PIEZO1: variants seen among roughly 807,000 people sequenced by gnomAD.
The protein encoded by PIEZO1 is piezo-type mechanosensitive ion channel component 1.
Under a neutral mutation model 297.2 loss-of-function variants are expected in PIEZO1, and 296 were observed. The observed-to-expected ratio is 1.00, with a 90% CI of 0.91 to 1.10. The LOEUF is 1.10. Among genes scored for constraint, PIEZO1 ranks in the 50% least tolerant of loss-of-function variants. The pLI is 0.00. For missense variants in PIEZO1, 5,018 were observed against 3,455.5 expected, an observed-to-expected ratio of 1.45 and a Z score of -11.34; for synonymous variants, 2,427 against 1,507.5, an observed-to-expected ratio of 1.61 and a Z score of -14.13.
intron 1 of PIEZO1, among the ~76,000 whole-genome samples, chr16:88,777,995 G>C (rs1008616761): frequency 9.9e-5 from 15 of 152,256 alleles, no homozygotes; most frequent in African/African-American, 2.7e-4. Context: ...TCTCGCCACA[G>C]CCACAAGCCT....
intron 1 of PIEZO1, among the ~76,000 whole-genome samples, chr16:88,750,381 C>T (rs745715547): frequency 5.4e-4 from 82 of 152,256 alleles, no homozygotes; most frequent in Non-Finnish European, 2.4e-4. Context: ...GCCCCCAGCA[C>T]GTGTCTGGGA....
At chr16:88,732,848 A>T (rs1434158184) in intron 19 of PIEZO1, 116 bp from the exon 20 acceptor site, 2 of 1,089,962 alleles carry the variant, frequency 1.8e-6, no homozygotes, top group Middle Eastern at 3.1e-4. Flanking sequence ...AGCCAGGGAC[A>T]CGGGGGCTGC....
intron 22 of PIEZO1, among the ~76,000 whole-genome samples, chr16:88,729,565 C>T (rs1258221569): frequency 5.4e-5 from 7 of 129,504 alleles, no homozygotes; most frequent in Admixed American, 1.5e-4. Context: ...GAGGGAACCT[C>T]GTGACCCAAA....
chr16:88,715,453 A>C lies in PIEZO1; in HGVS notation c.*152T>G. The stretch of plus-strand genomic sequence containing the variant: ...TGGGGACGCAGTGTCCTTCTCTGAC[A>C]GCAGCATCAGGGCTCAGGCAGGCCG... On this transcript the variant is annotated 3_prime_UTR_variant, in exon 51 of 51. Coordinates refer to ENST00000301015, the MANE Select transcript of PIEZO1 (RefSeq NM_001142864.4). 2 of 959,430 alleles carry C rather than the reference A, an allele frequency of 2.1e-6. No individual in the cohort carries two copies. Among genetic ancestry groups the C allele is most frequent in the Non-Finnish European group, 1.5e-6 (1 of 652,004 alleles). The allele number at this position is 959,430 out of a possible 1,614,324, so 59.4% of individuals were successfully genotyped here. A position where few individuals can be genotyped will look rare whatever the true frequency, so the allele number is the denominator to read the frequency against.
At chr16:88,769,567 A>C (rs1907328605) in intron 1 of PIEZO1, among the ~76,000 whole-genome samples, 1 of 152,184 alleles carries the variant, frequency 6.6e-6, no homozygotes, top group African/African-American at 2.4e-5. Flanking sequence ...ACCACTGCAC[A>C]TGACCGGAGC....
At chr16:88,776,621 G>T (rs936927317) in intron 1 of PIEZO1, among the ~76,000 whole-genome samples, 1 of 152,214 alleles carries the variant, frequency 6.6e-6, no homozygotes. Flanking sequence ...GCGAAGCCAC[G>T]GGAGGTTAGC....
chr16:88,726,193 C>T lies in PIEZO1; in HGVS notation c.3968+91G>A, dbSNP rs761471117. 65 of 1,131,612 alleles carry T rather than the reference C, an allele frequency of 5.7e-5. 1 individual carries two copies. The highest frequency in any genetic ancestry group is 3.2e-4 in the Admixed American group (12 of 36,952). The allele number at this position is 1,131,612 out of a possible 1,614,324, so 70.1% of individuals were successfully genotyped here. On this transcript the variant is annotated intron_variant, in intron 27 of 50. Coordinates refer to ENST00000301015, the MANE Select transcript of PIEZO1 (RefSeq NM_001142864.4). ...ACAGAGTGGCAGAGCCTGCCCTCCA[C>T]GGGCCGGGGCCTGAGACAGTGAGGA... is the stretch of plus-strand genomic sequence containing the variant.
At chr16:88,748,813 AT>A (rs1261686466) in intron 2 of PIEZO1, among the ~76,000 whole-genome samples, 2 of 151,008 alleles carry the variant, frequency 1.3e-5, no homozygotes, top group Non-Finnish European at 2.9e-5. Flanking sequence ...CACACCTGTA[AT>A]TGCAGCTACT....
intron 1 of PIEZO1, among the ~76,000 whole-genome samples, chr16:88,749,856 T>C (rs560346071): frequency 5.8e-4 from 88 of 152,014 alleles, no homozygotes; most frequent in Non-Finnish European, 9.9e-4. Flanking sequence ...GGTGAAACCC[T>C]GTCTCCACCG....
At chr16:88,784,840 G>A (rs1908104750) in intron 1 of PIEZO1, 61 bp downstream of exon 1, 5 of 1,232,070 alleles carry the variant, frequency 4.1e-6, no homozygotes, top group Non-Finnish European at 5.5e-6. Context: ...CGGTGTCCAG[G>A]CCGTGGGGAG....
At position 88,720,655 on chromosome 16, in the gene PIEZO1, C is replaced by T. The variant is rs912716084; in HGVS notation, c.5762G>A (p.Arg1921Lys). The change falls in exon 40 of 51, where the codon AGG becomes AAG. Residue 1921 changes from arginine (R) to lysine (K), a missense_variant. Coordinates refer to ENST00000301015, the MANE Select transcript of PIEZO1 (RefSeq NM_001142864.4). ...KRPSRSGGRV[R>K]AAGRRLQGFC... is the part of the protein sequence containing the mutation. ...GCCCTGCAGCCGCCGCCCGGCCGCC[C>T]TTACTCTTCCTCCAGAGCGGCTTGG... 9.7e-6 allele frequency: 15 copies of T among 1,548,382 alleles called. No homozygotes were observed. Among genetic ancestry groups the T allele is most frequent in the African/African-American group, 2.7e-5 (2 of 72,980 alleles).
Position 88,722,950 on chromosome 16 carries a change from G to A in PIEZO1, c.4555C>T (p.Gln1519Ter), listed in dbSNP as rs1163813078. The A allele has an allele frequency of 1.3e-6, 2 of 1,548,888 alleles. No homozygotes were observed. Among genetic ancestry groups the A allele is most frequent in the East Asian group, 2.4e-5 (1 of 40,910 alleles). ...CGTGTCAGCTCATCCACTAGCGCCT[G>A]CCCCAGCATCCACAGGAACTGCGCC... ...STAQFLWMLGQALVDELTRWL... is the reference protein window; with the variant it reads ...STAQFLWMLG The change falls in exon 34 of 51, where the codon CAG becomes TAG. Residue 1519 changes from glutamine to a stop codon, truncating the protein, a stop_gained. Coordinates refer to ENST00000301015, the MANE Select transcript of PIEZO1 (RefSeq NM_001142864.4). LOFTEE classifies it high-confidence loss of function.
chr16:88,776,363 G>C (rs1907663418), intron 1 of PIEZO1, among the ~76,000 whole-genome samples: 2 of 152,184 alleles, frequency 1.3e-5, no homozygotes, highest in Admixed American at 1.3e-4. Context: ...GAACCTGGGA[G>C]GCAGAGCTTG....
At chr16:88,783,599 C>T (rs1205642156) in intron 1 of PIEZO1, among the ~76,000 whole-genome samples, 4 of 152,178 alleles carry the variant, frequency 2.6e-5, no homozygotes, top group South Asian at 2.1e-4. Flanking sequence ...TGCTTGTTTT[C>T]AAGGCACAGG....
In PIEZO1 at chr16:88,735,055, T is replaced by C; in HGVS notation, c.1670-2A>G. On this transcript the variant is annotated splice_acceptor_variant, in intron 13 of 50. Coordinates refer to ENST00000301015, the MANE Select transcript of PIEZO1 (RefSeq NM_001142864.4). LOFTEE classifies it high-confidence loss of function. ...ACAGCGTCTGCGTCCGCGTGGGCTC[T>C]GTGGGCCAAGCCAGGGGCAGGCGAT... is the stretch of plus-strand genomic sequence containing the variant. The C allele has an allele frequency of 6.5e-7, 1 of 1,550,294 alleles. No homozygotes were observed. The highest frequency in any genetic ancestry group is 8.7e-7 in the Non-Finnish European group (1 of 1,146,882).
At chr16:88,726,494 C>G (rs572406633) in intron 26 of PIEZO1, 39 bp from the exon 27 acceptor site, 80 of 1,547,562 alleles carry the variant, frequency 5.2e-5, no homozygotes, top group Non-Finnish European at 6.6e-5. Flanking sequence ...GCCCAGGGCC[C>G]AGGAGCAGGG....
At chr16:88,720,312 G>C (rs967473272) in intron 41 of PIEZO1, 29 bp from the exon 42 acceptor site, 8 of 1,550,046 alleles carry the variant, frequency 5.2e-6, no homozygotes, top group Non-Finnish European at 7.0e-6. Context: ...AGGTCAGGGG[G>C]AGCCAAGCCC....
chr16:88,719,975 C>G lies in PIEZO1; in HGVS notation c.6165-15G>C, dbSNP rs761316196. ...GGTTGAACATCCTGGGGCGGGATGG[C>G]CAGGTCAAGGACCCCATCAGAAACA... On this transcript the variant is annotated splice_polypyrimidine_tract_variant and intron_variant, in intron 42 of 50. Coordinates refer to ENST00000301015, the MANE Select transcript of PIEZO1 (RefSeq NM_001142864.4). The G allele has an allele frequency of 1.3e-6, 2 of 1,550,044 alleles. No individual in the cohort carries two copies. The highest frequency in any genetic ancestry group is 2.0e-5 in the Admixed American group (1 of 51,012).
intron 1 of PIEZO1, among the ~76,000 whole-genome samples, chr16:88,783,822 G>T (rs1050883550): frequency 6.6e-5 from 10 of 152,182 alleles, no homozygotes; most frequent in Admixed American, 5.9e-4. Flanking sequence ...CAGTCTGTCT[G>T]GGAGCCTCAG....
Sources: allele counts gnomAD v4.1 joint callset (sites outside exome capture counted in the v4.1 genomes callset), GRCh38; gene constraint gnomAD v4.1.1; transcripts MANE v1.5; gene names NCBI Gene and HGNC (gene_info 2026-07-23, HGNC 2026-07-21).